ANO7: variants seen among roughly 807,000 people sequenced by gnomAD.
The protein encoded by ANO7 is anoctamin 7, also known as anoctamin-7.
ANO7 carries 114 observed loss-of-function variants against 115.8 expected under a neutral mutation model. The ratio of observed to expected loss-of-function variants is 0.98; its 90% confidence interval spans 0.85 to 1.15. ANO7 has a LOEUF of 1.15. ANO7 is among the 50% of genes most tolerant of loss of function. ANO7 has a pLI of 0.00. For synonymous variants in ANO7, 550 were observed against 498.2 expected, an observed-to-expected ratio of 1.10 and a Z score of -1.38; for missense variants, 1,302 against 1,201.2, an observed-to-expected ratio of 1.08 and a Z score of -1.24.
intron 3 of ANO7, 72 bp downstream of exon 3, chr2:241,191,323 A>C: frequency 6.3e-7 from 1 of 1,576,568 alleles, no homozygotes; most frequent in Non-Finnish European, 8.7e-7. Context: ...GGGTGCCCCC[A>C]GGGGCAGCAG....
chr2:241,232,895 G>A, the ANO7 span, among the ~76,000 whole-genome samples: 4 of 152,112 alleles, frequency 2.6e-5, no homozygotes, highest in East Asian at 1.9e-4. Flanking sequence ...CGTGGGAGCT[G>A]GAGGAGGCAG....
rs369973652 is a variant in ANO7, at chr2:241,212,075, C to T, written c.1562-19C>T. 13 of 1,611,038 alleles carry T rather than the reference C, an allele frequency of 8.1e-6. No homozygotes were observed. Among genetic ancestry groups the T allele is most frequent in the East Asian group, 4.5e-5 (2 of 44,866 alleles). ...TGGTGACTCCCCCAGGGACTGAGCC[C>T]AGGCTCTCCATGCCACAGAAATGCA... is the stretch of plus-strand genomic sequence containing the variant. On this transcript the variant is annotated intron_variant, in intron 15 of 24. Coordinates refer to ENST00000674324, the MANE Select transcript of ANO7 (RefSeq NM_001370694.2).
chr2:241,222,372 C>T (rs563418515), intron 21 of ANO7, among the ~76,000 whole-genome samples: 39 of 152,168 alleles, frequency 2.6e-4, no homozygotes, highest in Non-Finnish European at 4.9e-4. Flanking sequence ...TCCAGCAGTG[C>T]TTCTCTGCTT....
At chr2:241,240,243 A>C in the ANO7 span, 1 of 925,606 alleles carries the variant, frequency 1.1e-6, no homozygotes, top group East Asian at 2.5e-5. The surrounding 1 kb of genome is among the most constrained non-coding windows in gnomAD (Gnocchi z 5.5). Flanking sequence ...CAGTGTCCTG[A>C]TGTTGCACCA....
At chr2:241,217,444 G>A (rs1218780903) in intron 19 of ANO7, among the ~76,000 whole-genome samples, 2 of 152,252 alleles carry the variant, frequency 1.3e-5, no homozygotes, top group Non-Finnish European at 2.9e-5. Context: ...CACCGAGCCG[G>A]AGAAGGCCCG....
At chr2:241,229,596 G>C (rs1327397098), downstream of ANO7, 1 of 1,609,814 alleles carries the variant, frequency 6.2e-7, no homozygotes, top group East Asian at 2.2e-5. Flanking sequence ...TGTTCTTTTT[G>C]ATCATTATCG....
chr2:241,223,961 T>C lies in ANO7; in HGVS notation c.2583+6T>C. Reference sequence around the variant, plus strand: ...AGCAGCCCGAGGGCTCAGAGGCAAGTCTGGGAGCAGCCAGGCCCCTGCCCC... The same window carrying C: ...AGCAGCCCGAGGGCTCAGAGGCAAGCCTGGGAGCAGCCAGGCCCCTGCCCC... On this transcript the variant is annotated splice_donor_region_variant and intron_variant, in intron 24 of 24. Coordinates refer to ENST00000674324, the MANE Select transcript of ANO7 (RefSeq NM_001370694.2). The C allele has an allele frequency of 6.2e-7, 1 of 1,613,936 alleles. No homozygotes were observed. Among genetic ancestry groups the C allele is most frequent in the Non-Finnish European group, 8.5e-7 (1 of 1,179,930 alleles).
intron 3 of ANO7, 60 bp downstream of exon 3, chr2:241,191,311 G>T (rs968690484): frequency 1.9e-6 from 3 of 1,591,450 alleles, no homozygotes; most frequent in Non-Finnish European, 2.6e-6. Flanking sequence ...GGGACACCAC[G>T]GGGGTGCCCC....
chr2:241,231,719 C>T, the ANO7 span, among the ~76,000 whole-genome samples: 1 of 152,058 alleles, frequency 6.6e-6, no homozygotes, highest in Non-Finnish European at 1.5e-5. Flanking sequence ...CCTTGGGCCA[C>T]ACAAATGGAC....
At chr2:241,234,061 G>C in the ANO7 span, 4 of 1,361,592 alleles carry the variant, frequency 2.9e-6, no homozygotes, top group Non-Finnish European at 4.1e-6. Context: ...TGGAGATGCT[G>C]CAGTGTTCTG....
At chr2:241,226,034 G>A (rs192834262), downstream of ANO7, among the ~76,000 whole-genome samples, 1 of 151,838 alleles carries the variant, frequency 6.6e-6, no homozygotes, top group East Asian at 1.9e-4. Flanking sequence ...AGGCTTCCAG[G>A]TGAACAAACT....
chr2:241,203,511 CG>C lies in ANO7; in HGVS notation c.889+14del. ...TTCGCCTGGCTCGGTGAGTCCCCCCCGCTGCCCCCCAGACCACCTGGGCCCC... is the reference window on the plus strand; with the variant it reads ...TTCGCCTGGCTCGGTGAGTCCCCCCCCTGCCCCCCAGACCACCTGGGCCCC... On this transcript the variant is annotated intron_variant, in intron 9 of 24. Transcript: ENST00000674324. The surrounding 1 kb of genome is among the most constrained non-coding windows in gnomAD (Gnocchi z 4.8). 4 of 1,455,536 alleles carry C rather than the reference CG, an allele frequency of 2.7e-6. No individual in the cohort carries two copies. The highest frequency in any genetic ancestry group is 3.6e-6 in the Non-Finnish European group (4 of 1,100,350). The allele number at this position is 1,455,536 out of a possible 1,614,324, so 90.2% of individuals were successfully genotyped here.
chr2:241,234,405 C>T, the ANO7 span, among the ~76,000 whole-genome samples: 1 of 152,230 alleles, frequency 6.6e-6, no homozygotes, highest in Non-Finnish European at 1.5e-5. Flanking sequence ...CCAAAGGCTA[C>T]AGGTATGACC....
intron 13 of ANO7, 73 bp downstream of exon 13, chr2:241,209,708 T>C: frequency 6.7e-7 from 1 of 1,484,976 alleles, no homozygotes; most frequent in Non-Finnish European, 8.9e-7. Flanking sequence ...GTCCCCCATC[T>C]CACCTTGGTG....
At chr2:241,190,678 G>A (rs374235981) in intron 2 of ANO7, among the ~76,000 whole-genome samples, 3 of 152,298 alleles carry the variant, frequency 2.0e-5, no homozygotes, top group East Asian at 1.9e-4. Context: ...AGCAGCCTGC[G>A]GGTGGACACG....
chr2:241,212,119 C>T lies in ANO7; in HGVS notation c.1587C>T (p.Phe529=), dbSNP rs771272277. The T allele has an allele frequency of 2.5e-6, 4 of 1,614,074 alleles. No homozygotes were observed. Among genetic ancestry groups the T allele is most frequent in the Admixed American group, 3.3e-5 (2 of 60,028 alleles). ...RWEMHRTQTK[F]EDAFTLKVFI... ...AAATGCACCGCACCCAGACCAAGTT[C>T]GAGGACGCCTTCACCCTCAAGGTGT... is the stretch of plus-strand genomic sequence containing the variant. Residue 529 remains phenylalanine, a synonymous_variant, in exon 16 of 25, where the codon TTC becomes TTT. Transcript: ENST00000674324.
chr2:241,201,838 A>C (rs78592913), intron 7 of ANO7, among the ~76,000 whole-genome samples: 1 of 45,022 alleles, frequency 2.2e-5, no homozygotes, highest in Non-Finnish European at 4.5e-5. Flanking sequence ...CCCTGGACAC[A>C]GCTGCCAGGC....
downstream of ANO7, chr2:241,230,722 AGAG>A: frequency 6.3e-7 from 1 of 1,594,978 alleles, no homozygotes; most frequent in Non-Finnish European, 8.6e-7. The surrounding 1 kb of genome is among the most constrained non-coding windows in gnomAD (Gnocchi z 5.0). Flanking sequence ...CCCCGGTGAG[AGAG>A]GATTCTCACC....
intron 16 of ANO7, 145 bp from the exon 17 acceptor site, chr2:241,212,427 C>T (rs2068737297): frequency 9.8e-7 from 1 of 1,015,542 alleles, no homozygotes; most frequent in African/African-American, 1.6e-5. Flanking sequence ...CCACAGGAGG[C>T]CCAGCTCACA....
Sources: gnomAD v4.1 joint callset for allele counts (sites outside exome capture counted in the v4.1 genomes callset) on GRCh38, gnomAD v4.1.1 for gene constraint, Gnocchi (gnomAD v3.1) non-coding constraint, MANE v1.5 for transcripts, NCBI Gene and HGNC (gene_info 2026-07-23, HGNC 2026-07-21) for gene names.